FAM53A: variants seen among roughly 807,000 people sequenced by gnomAD.
The protein encoded by FAM53A is protein FAM53A.
Under a neutral mutation model 26.6 loss-of-function variants are expected in FAM53A, and 28 were observed. The observed-to-expected ratio is 1.05, with a 90% CI of 0.78 to 1.45. FAM53A has a LOEUF of 1.45. Among genes scored for constraint, FAM53A ranks in the 40% most tolerant of loss-of-function variants. The pLI is 0.00. For synonymous variants in FAM53A, 290 were observed against 253.1 expected (o/e 1.15, Z -1.38); for missense variants, 650 against 575.8 (o/e 1.13, Z -1.32).
chr4:1,590,813 TAG>T, the FAM53A span, among the ~76,000 whole-genome samples: 1 of 151,710 alleles, frequency 6.6e-6, no homozygotes, highest in African/African-American at 2.4e-5. Context: ...TCAAATTAAA[TAG>T]ACTTACTTTT....
the FAM53A span, among the ~76,000 whole-genome samples, chr4:1,611,617 C>T: frequency 6.6e-6 from 1 of 152,252 alleles, no homozygotes; most frequent in Non-Finnish European, 1.5e-5. Flanking sequence ...GCGGGCAGCA[C>T]CGTGCCAGGC....
intron 3 of FAM53A, among the ~76,000 whole-genome samples, chr4:1,656,832 C>T (rs1203489448): frequency 3.3e-5 from 5 of 152,194 alleles, no homozygotes; most frequent in Non-Finnish European, 7.4e-5. Flanking sequence ...GTGTCACAGT[C>T]AGGTAAGCAG....
the FAM53A span, among the ~76,000 whole-genome samples, chr4:1,602,745 G>A: frequency 8.5e-5 from 13 of 152,280 alleles, no homozygotes; most frequent in South Asian, 1.2e-3. Flanking sequence ...TGGCAAGTGC[G>A]GGTGTGACGG....
chr4:1,672,654 T>C (rs1714762175), intron 1 of FAM53A, among the ~76,000 whole-genome samples: 2 of 150,740 alleles, frequency 1.3e-5, no homozygotes, highest in East Asian at 1.9e-4. Context: ...GGAAAAACAG[T>C]AACAGCAGGT....
chr4:1,599,606 A>G, the FAM53A span, among the ~76,000 whole-genome samples: 1 of 152,190 alleles, frequency 6.6e-6, no homozygotes, highest in South Asian at 2.1e-4. This position sits in a 1 kb window ranked among gnomAD's most constrained non-coding sequence, Gnocchi z 6.1. Context: ...CCGGGGGACC[A>G]GAGCACCTCC....
chr4:1,642,228 T>C (rs988821463), intron 4 of FAM53A, among the ~76,000 whole-genome samples: 3 of 152,116 alleles, frequency 2.0e-5, no homozygotes, highest in African/African-American at 2.4e-5. Context: ...TAGAAACACA[T>C]GCAAATCCTT....
downstream of FAM53A, among the ~76,000 whole-genome samples, chr4:1,617,094 A>ACCACTGCACTCCAGCCATATACT (rs140692908): frequency 0.35 from 52,104 of 149,454 alleles, 9,416 homozygotes; most frequent in Middle Eastern, 0.45. Context: ...CTGAGATAGC[A>ACCACTGCACTCCAGCCATATACT]CCACTGCACT....
At chr4:1,654,931 G>A in intron 4 of FAM53A, 47 bp downstream of exon 4, 1 of 1,489,532 alleles carries the variant, frequency 6.7e-7, no homozygotes. Context: ...GCACCGCCCT[G>A]TCCAGATCTA....
downstream of FAM53A, among the ~76,000 whole-genome samples, chr4:1,614,855 C>T (rs1056812005): frequency 1.3e-5 from 2 of 152,166 alleles, no homozygotes; most frequent in African/African-American, 4.8e-5. Flanking sequence ...GGCAGGTCGC[C>T]CCACACGCAT....
downstream of FAM53A, among the ~76,000 whole-genome samples, chr4:1,635,391 A>G (rs1465857844): frequency 6.6e-6 from 1 of 152,086 alleles, no homozygotes; most frequent in Non-Finnish European, 1.5e-5. Flanking sequence ...TTCCCACCTC[A>G]GCCTCCTAAG....
chr4:1,668,884 A>G lies in FAM53A; in HGVS notation c.-143T>C, dbSNP rs1043016646. 1.5e-6 allele frequency: 1 copy of G among 649,190 alleles called. No homozygotes were observed. Among genetic ancestry groups the G allele is most frequent in the Non-Finnish European group, 2.7e-6 (1 of 375,856 alleles). The allele number at this position is 649,190 out of a possible 1,614,324, so 40.2% of individuals were successfully genotyped here. Reference sequence around the variant, plus strand: ...CTTTACAGATGAGCAGTCCACGCCCACGGGCTCTTCAGGATTTGTGCCTGT... The same window carrying G: ...CTTTACAGATGAGCAGTCCACGCCCGCGGGCTCTTCAGGATTTGTGCCTGT... On this transcript the variant is annotated 5_prime_UTR_variant, in exon 2 of 5. Coordinates refer to ENST00000308132, the MANE Select transcript of FAM53A (RefSeq NM_001174070.3).
the FAM53A span, among the ~76,000 whole-genome samples, chr4:1,579,829 C>T: frequency 6.6e-6 from 1 of 152,172 alleles, no homozygotes; most frequent in African/African-American, 2.4e-5. Flanking sequence ...AGGGAGGGCG[C>T]AGGGGCCGAG....
intron 1 of FAM53A, chr4:1,683,503 A>G (rs536067721): frequency 6.6e-6 from 1 of 152,400 alleles, no homozygotes; most frequent in African/African-American, 2.4e-5. Flanking sequence ...CAAGCAACAG[A>G]GAAAACTCAC....
chr4:1,655,357 A>G lies in FAM53A; in HGVS notation c.503T>C (p.Val168Ala). 1.4e-6 allele frequency: 2 copies of G among 1,438,444 alleles called. No homozygotes were observed. The highest frequency in any genetic ancestry group is 1.8e-6 in the Non-Finnish European group (2 of 1,097,644). 89.1% of individuals were successfully genotyped at this position (1,438,444 alleles called of 1,614,324 possible). Residue 168 changes from valine (V) to alanine (A), a missense_variant, in exon 4 of 5, where the codon GTC (valine) becomes GCC (alanine). Transcript: ENST00000308132. ...SATRQGSPGA[V>A]LPRSAVWSTG... Reference sequence around the variant, plus strand: ...CGACCACACAGCACTCCTCGGCAGGACGGCGCCGGGGCTTCCCTGCCGCGT... The same window carrying G: ...CGACCACACAGCACTCCTCGGCAGGGCGGCGCCGGGGCTTCCCTGCCGCGT...
At chr4:1,680,178 G>T (rs1186652837) in intron 1 of FAM53A, among the ~76,000 whole-genome samples, 6 of 151,682 alleles carry the variant, frequency 4.0e-5, no homozygotes, top group Non-Finnish European at 5.9e-5. Flanking sequence ...AATTAGCCGG[G>T]CATGGTGGCA....
At chr4:1,681,523 CTTTT>C (rs36047639) in intron 1 of FAM53A, among the ~76,000 whole-genome samples, 2 of 139,290 alleles carry the variant, frequency 1.4e-5, no homozygotes, top group Non-Finnish European at 1.6e-5. Flanking sequence ...AAACTCAAAT[CTTTT>C]TTTTTTTTTT....
At chr4:1,667,735 T>C (rs1714337812) in intron 2 of FAM53A, among the ~76,000 whole-genome samples, 1 of 152,082 alleles carries the variant, frequency 6.6e-6, no homozygotes, top group African/African-American at 2.4e-5. Flanking sequence ...AAATGCAACG[T>C]GCCCACGTCT....
chr4:1,652,611 CCACA>C (rs372846716), intron 4 of FAM53A, among the ~76,000 whole-genome samples: 1 of 147,438 alleles, frequency 6.8e-6, no homozygotes, highest in Non-Finnish European at 1.5e-5. Flanking sequence ...ACATCACTCA[CCACA>C]CACACACACA....
chr4:1,644,701 A>C, intron 4 of FAM53A: 9 of 203,000 alleles, frequency 4.4e-5, no homozygotes, highest in Non-Finnish European at 4.0e-5. Flanking sequence ...CAAGTTCCAA[A>C]TTGGGCTCCA....
Sources: gnomAD v4.1 joint callset for allele counts (sites outside exome capture counted in the v4.1 genomes callset) on GRCh38, gnomAD v4.1.1 for gene constraint, Gnocchi (gnomAD v3.1) non-coding constraint, MANE v1.5 for transcripts, NCBI Gene and HGNC (gene_info 2026-07-23, HGNC 2026-07-21) for gene names.